Variants in PRKN observed in about 807,000 individuals in gnomAD.
PRKN encodes the protein E3 ubiquitin-protein ligase parkin.
In PRKN, 56 loss-of-function variants were observed where a neutral mutation model predicts 59.5. The ratio of observed to expected loss-of-function variants is 0.94; its 90% confidence interval spans 0.76 to 1.18. PRKN has a LOEUF of 1.18. Ranked by LOEUF, PRKN falls within the 50% of genes most tolerant of loss-of-function variation. The pLI is 0.00. For synonymous variants in PRKN, 250 were observed against 222.1 expected, an observed-to-expected ratio of 1.13 and a Z score of -1.12; for missense variants, 657 against 596.4, an observed-to-expected ratio of 1.10 and a Z score of -1.06.
Position 161,400,924 on chromosome 6 carries a change from G to A in PRKN, c.1084-14047C>T, listed in dbSNP as rs1164020498. 2.0e-5 allele frequency among the ~76,000 whole-genome samples: 3 copies of A among 152,194 alleles called. No homozygotes were observed. The highest frequency in any genetic ancestry group is 4.4e-5 in the Non-Finnish European group (3 of 68,038). On this transcript the variant is annotated intron_variant, in intron 9 of 11. Transcript: ENST00000366898. This position sits in a 1 kb window ranked among gnomAD's most constrained non-coding sequence, Gnocchi z 4.2. ...TCTGATTTACTTGTTTGCACACTTT[G>A]TCAAATCTTGGACCAGGGACAGATA...
intron 1 of PRKN, among the ~76,000 whole-genome samples, chr6:162,542,722 T>C (rs113812714): frequency 2.6e-5 from 4 of 152,138 alleles, no homozygotes; most frequent in African/African-American, 7.2e-5. Context: ...ATGGGGCATA[T>C]AGCACATAGC....
intron 7 of PRKN, among the ~76,000 whole-genome samples, chr6:161,595,167 A>C (rs964853009): frequency 1.3e-5 from 2 of 152,240 alleles, no homozygotes; most frequent in Non-Finnish European, 2.9e-5. Context: ...GTGTCAGATA[A>C]AACAGCACAA....
At chr6:161,392,137 C>T (rs1168939128) in intron 9 of PRKN, among the ~76,000 whole-genome samples, 1 of 151,896 alleles carries the variant, frequency 6.6e-6, no homozygotes, top group East Asian at 2.0e-4. Flanking sequence ...CGGGGTTTCA[C>T]CGTCTTGGCC....
At chr6:161,424,383 C>A (rs370463282) in intron 9 of PRKN, among the ~76,000 whole-genome samples, 26 of 149,536 alleles carry the variant, frequency 1.7e-4, no homozygotes, top group African/African-American at 5.9e-4. Flanking sequence ...GAGCAAACAG[C>A]AATCATGGGT....
At chr6:161,972,698 T>A (rs549828347) in intron 6 of PRKN, among the ~76,000 whole-genome samples, 52 of 152,300 alleles carry the variant, frequency 3.4e-4, no homozygotes, top group African/African-American at 1.3e-3. Flanking sequence ...ATTTTAAAAA[T>A]AAAATGTATG....
chr6:162,099,631 A>T (rs1293484612), intron 4 of PRKN, among the ~76,000 whole-genome samples: 1 of 152,240 alleles, frequency 6.6e-6, no homozygotes, highest in East Asian at 1.9e-4. Flanking sequence ...CATTGCAAGC[A>T]CAGTACAAAT....
chr6:161,524,051 A>G (rs1778932850), intron 9 of PRKN, among the ~76,000 whole-genome samples: 1 of 152,202 alleles, frequency 6.6e-6, no homozygotes, highest in Non-Finnish European at 1.5e-5. Context: ...TTATTTTTTC[A>G]TTAAATATTT....
At chr6:162,660,326 T>C (rs1450947018) in intron 1 of PRKN, among the ~76,000 whole-genome samples, 1 of 152,184 alleles carries the variant, frequency 6.6e-6, no homozygotes. Context: ...CAGCTCCTTA[T>C]GAAAGCATGC....
At chr6:162,330,081 C>A (rs778402843) in intron 2 of PRKN, among the ~76,000 whole-genome samples, 6 of 152,178 alleles carry the variant, frequency 3.9e-5, no homozygotes, top group Non-Finnish European at 5.9e-5. Flanking sequence ...AAATCTGGTC[C>A]TCTATACCTT....
chr6:162,219,255 T>G (rs1215508053), intron 3 of PRKN, among the ~76,000 whole-genome samples: 1 of 152,142 alleles, frequency 6.6e-6, no homozygotes, highest in African/African-American at 2.4e-5. Context: ...GACAGAAACT[T>G]TCACAAAATC....
intron 1 of PRKN, chr6:162,568,770 C>A: frequency 1.3e-6 from 1 of 742,924 alleles, no homozygotes; most frequent in Non-Finnish European, 2.5e-6. Flanking sequence ...GCCGGACACT[C>A]TGGTCCAGGA....
chr6:162,298,043 C>T (rs755089277), intron 2 of PRKN, among the ~76,000 whole-genome samples: 4 of 152,120 alleles, frequency 2.6e-5, no homozygotes, highest in Non-Finnish European at 4.4e-5. Context: ...TCCATCTTTC[C>T]GATTCTGTTC....
chr6:162,393,473 T>A lies in PRKN; in HGVS notation c.171+49837A>T, dbSNP rs1021852555. Among the ~76,000 whole-genome samples, 3 of 152,160 alleles carry A rather than the reference T, an allele frequency of 2.0e-5. No homozygotes were observed. In the East Asian group the frequency reaches 5.8e-4, roughly 30 times the overall value. ...CCATACCCGGCCGAGGCTAGGAGATTCATAGAGGACAGAGAAGACATTCTA... is the reference window on the plus strand; with the variant it reads ...CCATACCCGGCCGAGGCTAGGAGATACATAGAGGACAGAGAAGACATTCTA... On this transcript the variant is annotated intron_variant, in intron 2 of 11. Transcript: ENST00000366898.
chr6:162,011,043 T>A (rs936339676), intron 5 of PRKN, among the ~76,000 whole-genome samples: 143 of 5,020 alleles, frequency 0.028, 38 homozygotes, highest in African/African-American at 0.11. Flanking sequence ...ATAATATATA[T>A]TTATAATATA....
At chr6:162,216,135 G>T (rs1583212258) in intron 3 of PRKN, among the ~76,000 whole-genome samples, 1 of 152,242 alleles carries the variant, frequency 6.6e-6, no homozygotes, top group Non-Finnish European at 1.5e-5. Flanking sequence ...GCCACTATCT[G>T]CAGGAAACAC....
intron 1 of PRKN, among the ~76,000 whole-genome samples, chr6:162,646,633 G>T (rs1161854225): frequency 6.6e-6 from 1 of 152,036 alleles, no homozygotes; most frequent in Non-Finnish European, 1.5e-5. Flanking sequence ...ACTTAACATT[G>T]CAGATACATT....
At chr6:162,170,407 C>T (rs930143884) in intron 4 of PRKN, among the ~76,000 whole-genome samples, 1 of 152,126 alleles carries the variant, frequency 6.6e-6, no homozygotes, top group Non-Finnish European at 1.5e-5. Context: ...AATAGACATG[C>T]TACTTTTTAC....
intron 1 of PRKN, among the ~76,000 whole-genome samples, chr6:162,651,687 A>C (rs73597969): frequency 6.6e-6 from 1 of 152,214 alleles, no homozygotes; most frequent in Non-Finnish European, 1.5e-5. Context: ...GGGAAGAAGG[A>C]AAAAAGCAGG....
intron 7 of PRKN, among the ~76,000 whole-genome samples, chr6:161,652,855 A>G (rs1328801513): frequency 6.6e-6 from 1 of 152,222 alleles, no homozygotes; most frequent in Non-Finnish European, 1.5e-5. Flanking sequence ...GCCCCAGGTG[A>G]TGTAAAGTTA....
Sources: gnomAD v4.1 joint callset for allele counts (sites outside exome capture counted in the v4.1 genomes callset) on GRCh38, gnomAD v4.1.1 for gene constraint, Gnocchi (gnomAD v3.1) non-coding constraint, MANE v1.5 for transcripts, NCBI Gene and HGNC (gene_info 2026-07-23, HGNC 2026-07-21) for gene names.